IGF1R: variants seen among roughly 807,000 people sequenced by gnomAD.
IGF1R encodes insulin like growth factor 1 receptor.
In IGF1R, 44 loss-of-function variants were observed where a neutral mutation model predicts 144.6. The ratio of observed to expected loss-of-function variants is 0.30; its 90% CI spans 0.24 to 0.39. The LOEUF is 0.39. IGF1R is among the 10% of genes least tolerant of loss of function. The pLI, the probability that IGF1R is intolerant of heterozygous loss-of-function variation, is 1.00. For synonymous variants in IGF1R, 795 were observed against 722.8 expected, an observed-to-expected ratio of 1.10 and a Z score of -1.60; for missense variants, 1,355 against 1,833.7, an observed-to-expected ratio of 0.74 and a Z score of 4.77.
In IGF1R at chr15:98,963,075, A is replaced by G. The variant is rs886051604; in HGVS notation, c.*5633A>G. On this transcript the variant is annotated 3_prime_UTR_variant, in exon 21 of 21. Transcript: ENST00000650285. The stretch of plus-strand genomic sequence containing the variant: ...TAGTCAGTTGACGAAGATCTGGTTT[A>G]CAAGAACTAATTAAATGTTTCATTG... 1.7e-5 allele frequency: 4 copies of G among 233,578 alleles called. No homozygotes were observed. The highest frequency in any genetic ancestry group is 3.4e-5 in the Non-Finnish European group (4 of 118,022). 14.5% of individuals were successfully genotyped at this position (233,578 alleles called of 1,614,324 possible).
intron 2 of IGF1R, among the ~76,000 whole-genome samples, chr15:98,767,166 C>T (rs1281274221): frequency 6.6e-6 from 1 of 152,106 alleles, no homozygotes; most frequent in African/African-American, 2.4e-5. Flanking sequence ...TTTTTAGTTA[C>T]TTTTTACATG....
chr15:98,778,308 T>C (rs1318807570), intron 2 of IGF1R, among the ~76,000 whole-genome samples: 1 of 152,228 alleles, frequency 6.6e-6, no homozygotes, highest in Non-Finnish European at 1.5e-5. Flanking sequence ...GGCATCATCT[T>C]CATTATTTGA....
At chr15:98,881,978 T>G (rs2013407095) in intron 2 of IGF1R, among the ~76,000 whole-genome samples, 2 of 152,250 alleles carry the variant, frequency 1.3e-5, no homozygotes, top group South Asian at 4.1e-4. Flanking sequence ...ATGAATAGTT[T>G]TTGTGAACAA....
intron 2 of IGF1R, among the ~76,000 whole-genome samples, chr15:98,810,650 G>A (rs150820877): frequency 1.1e-3 from 165 of 151,368 alleles, no homozygotes; most frequent in African/African-American, 3.8e-3. Flanking sequence ...CCGGCTTCAC[G>A]CCATTCTTCT....
At chr15:98,711,635 CT>C (rs2053995994) in intron 2 of IGF1R, among the ~76,000 whole-genome samples, 1 of 149,920 alleles carries the variant, frequency 6.7e-6, no homozygotes, top group Non-Finnish European at 1.5e-5. Flanking sequence ...GTGGCACCCC[CT>C]GACATGTGGT....
intron 2 of IGF1R, among the ~76,000 whole-genome samples, chr15:98,785,824 G>A (rs1453307663): frequency 1.3e-5 from 2 of 152,106 alleles, no homozygotes; most frequent in African/African-American, 4.8e-5. Context: ...ACCATGTGAG[G>A]TGCCCCAATA....
intron 2 of IGF1R, among the ~76,000 whole-genome samples, chr15:98,778,693 G>A (rs2055780666): frequency 6.6e-6 from 1 of 152,234 alleles, no homozygotes; most frequent in African/African-American, 2.4e-5. Context: ...CTCCTTGACT[G>A]TGGTCCCTTT....
chr15:98,851,493 T>C (rs919044003), intron 2 of IGF1R, among the ~76,000 whole-genome samples: 4 of 152,198 alleles, frequency 2.6e-5, no homozygotes, highest in African/African-American at 9.7e-5. Context: ...CCCCGTGGCC[T>C]TCTCCTACCT....
At chr15:98,780,580 G>A (rs56127125) in intron 2 of IGF1R, among the ~76,000 whole-genome samples, 340 of 10,840 alleles carry the variant, frequency 0.031, 58 homozygotes, top group Middle Eastern at 0.25. Context: ...AAAAAAGAGA[G>A]AGAGAGTAAA....
intron 20 of IGF1R, among the ~76,000 whole-genome samples, chr15:98,949,313 G>A (rs74032126): frequency 0.055 from 8,363 of 151,866 alleles, 372 homozygotes; most frequent in African/African-American, 0.11. Flanking sequence ...GACCTGGAGC[G>A]TGTGTGAGCT....
chr15:98,681,547 G>A (rs2053190463), intron 1 of IGF1R, among the ~76,000 whole-genome samples: 1 of 152,182 alleles, frequency 6.6e-6, no homozygotes, highest in Non-Finnish European at 1.5e-5. Context: ...ATAGAAGACA[G>A]CTTGGATGGC....
intron 15 of IGF1R, 99 bp downstream of exon 15, chr15:98,930,404 A>C (rs1442476834): frequency 2.6e-6 from 2 of 755,094 alleles, no homozygotes; most frequent in Non-Finnish European, 2.3e-6. Context: ...GGTTTGCATT[A>C]TTTTGAGCTA....
At chr15:98,876,682 G>C (rs1450217108) in intron 2 of IGF1R, among the ~76,000 whole-genome samples, 3 of 152,116 alleles carry the variant, frequency 2.0e-5, no homozygotes, top group Non-Finnish European at 4.4e-5. Context: ...TTTTTTCCGA[G>C]GCACTTTTGA....
chr15:98,885,988 T>C (rs1459123202), intron 2 of IGF1R, among the ~76,000 whole-genome samples: 1 of 152,112 alleles, frequency 6.6e-6, no homozygotes, highest in Non-Finnish European at 1.5e-5. Context: ...GGCTAATTTT[T>C]GTATTTTTAG....
intron 2 of IGF1R, among the ~76,000 whole-genome samples, chr15:98,830,167 C>T (rs915615792): frequency 2.6e-5 from 4 of 152,200 alleles, no homozygotes; most frequent in Non-Finnish European, 4.4e-5. Context: ...ACTTTCCTGT[C>T]TACCTGGACT....
intron 2 of IGF1R, among the ~76,000 whole-genome samples, chr15:98,801,036 C>G (rs1000780669): frequency 1.3e-5 from 2 of 152,142 alleles, no homozygotes; most frequent in Non-Finnish European, 2.9e-5. Flanking sequence ...TGAGTGTTTG[C>G]TCCTTTAGTT....
chr15:98,743,614 G>T (rs1415185794), intron 2 of IGF1R, among the ~76,000 whole-genome samples: 1 of 152,170 alleles, frequency 6.6e-6, no homozygotes, highest in African/African-American at 2.4e-5. Flanking sequence ...ACCTGGAGGC[G>T]GGCCACATGG....
intron 2 of IGF1R, among the ~76,000 whole-genome samples, chr15:98,862,199 C>T (rs2012194713): frequency 6.6e-6 from 1 of 152,178 alleles, no homozygotes; most frequent in African/African-American, 2.4e-5. Context: ...AGAGCAGAAG[C>T]ATATATTATC....
In IGF1R at chr15:98,723,234, CT is replaced by C. The variant is rs1430806829; in HGVS notation, c.640+15131del. 1.2e-4 allele frequency among the ~76,000 whole-genome samples: 18 copies of C among 152,134 alleles called. No individual in the cohort carries two copies. The East Asian group carries it at 3.1e-3, about 26-fold the overall frequency. On this transcript the variant is annotated intron_variant, in intron 2 of 20. Coordinates refer to ENST00000650285, the MANE Select transcript of IGF1R (RefSeq NM_000875.5). The stretch of plus-strand genomic sequence containing the variant: ...GGGTGCTGATTGAAGCTTTTTATAA[CT>C]TTTCTTATTGAGAATTGTTCTCTGG...
Sources: allele counts gnomAD v4.1 joint callset (sites outside exome capture counted in the v4.1 genomes callset), GRCh38; gene constraint gnomAD v4.1.1; transcripts MANE v1.5; gene names NCBI Gene and HGNC (gene_info 2026-07-23, HGNC 2026-07-21).